Variants in OTUB1 observed in about 807,000 individuals in gnomAD.
OTUB1 encodes the protein ubiquitin thioesterase OTUB1.
OTUB1 carries 10 observed loss-of-function variants against 35.8 expected under a neutral mutation model. That is an observed-to-expected ratio of 0.28 (90% CI 0.17 to 0.47). OTUB1 has a LOEUF of 0.47. Ranked by LOEUF, OTUB1 falls within the 20% of genes least tolerant of loss-of-function variation. OTUB1 has a pLI of 0.99. For missense variants in OTUB1, 264 were observed against 351.6 expected, an observed-to-expected ratio of 0.75 and a Z score of 1.99; for synonymous variants, 158 against 143.8, an observed-to-expected ratio of 1.10 and a Z score of -0.71.
rs1245730408 is a variant in OTUB1 at position 63,997,480 on chromosome 11, T to C, written c.750T>C (p.Pro250=). The change falls in exon 7 of 7, where the codon CCT becomes CCC. Residue 250 remains proline, a synonymous_variant. Coordinates refer to ENST00000538426, the MANE Select transcript of OTUB1 (RefSeq NM_017670.3). ...GCACCACCAATCCGCACATCTTCCC[T>C]GAGGGCTCCGAGCCCAAGGTCTACC... ...EGGTTNPHIF[P]EGSEPKVYLL... is the part of the protein sequence containing the mutation. 6.2e-7 allele frequency: 1 copy of C among 1,614,122 alleles called. No individual in the cohort carries two copies. Among genetic ancestry groups the C allele is most frequent in the Non-Finnish European group, 8.5e-7 (1 of 1,180,022 alleles).
intron 1 of OTUB1, chr11:63,986,739 C>T: frequency 1.9e-6 from 1 of 524,482 alleles, no homozygotes; most frequent in Admixed American, 3.6e-5. Context: ...AGGCCCGCGG[C>T]CCTTCTCCAT....
chr11:63,986,602 G>C, intron 1 of OTUB1, 88 bp downstream of exon 1: 1 of 1,246,496 alleles, frequency 8.0e-7, no homozygotes, highest in East Asian at 2.7e-5. Context: ...AGGCAGGGCC[G>C]CTGGCTCTGG....
In OTUB1 at chr11:63,998,099, C is replaced by T. The variant is rs1942743291; in HGVS notation, c.*553C>T. Reference sequence around the variant, plus strand: ...TTGTGAGGCTGGACCCGGCTCAGGGCAGGTGGAGGAGCTGGGCCTCCCACA... The same window carrying T: ...TTGTGAGGCTGGACCCGGCTCAGGGTAGGTGGAGGAGCTGGGCCTCCCACA... On this transcript the variant is annotated 3_prime_UTR_variant, in exon 7 of 7. Coordinates refer to ENST00000538426, the MANE Select transcript of OTUB1 (RefSeq NM_017670.3). 1 of 357,278 alleles carries T rather than the reference C, an allele frequency of 2.8e-6. No individual in the cohort carries two copies. The highest frequency in any genetic ancestry group is 5.2e-6 in the Non-Finnish European group (1 of 192,044). The allele number at this position is 357,278 out of a possible 1,614,324, so 22.1% of individuals were successfully genotyped here.
At position 63,996,982 on chromosome 11, in the gene OTUB1, G is replaced by A. The variant is rs374058334; in HGVS notation, c.423+41G>A. 38 of 1,613,006 alleles carry A rather than the reference G, an allele frequency of 2.4e-5. No individual in the cohort carries two copies. The Middle Eastern group carries it at 9.9e-4, about 42-fold the overall frequency. ...TGTCTTGGGCTGGGCCATGGGGGAG[G>A]GGTTCACCTGGTGAGGACCACCCAT... On this transcript the variant is annotated intron_variant, in intron 5 of 6. Transcript: ENST00000538426.
chr11:63,997,382 A>C lies in OTUB1; in HGVS notation c.652A>C (p.Ile218Leu). 6.2e-7 allele frequency: 1 copy of C among 1,614,084 alleles called. No individual in the cohort carries two copies. Among genetic ancestry groups the C allele is most frequent in the Non-Finnish European group, 8.5e-7 (1 of 1,180,008 alleles). ...GCCCATGTGCAAGGAGAGCGACCAC[A>C]TCCACATCATTGCGCTGGCCCAGGC... ...VEPMCKESDHIHIIALAQALS... is the reference protein window; with the variant it reads ...VEPMCKESDHLHIIALAQALS... Residue 218 changes from isoleucine (I) to leucine (L), a missense_variant, in exon 7 of 7, where the codon ATC becomes CTC. Ile to Leu is a conservative substitution (Grantham distance 5, BLOSUM62 2). Around this residue, in one of 2 missense-constraint regions of OTUB1, gnomAD observed 214 missense variants for 317.1 expected, o/e 0.67. Transcript: ENST00000538426.
At chr11:63,988,164 A>G (rs1431696731) in intron 1 of OTUB1, among the ~76,000 whole-genome samples, 173 bp from the exon 2 acceptor site, 2 of 152,202 alleles carry the variant, frequency 1.3e-5, no homozygotes, top group Admixed American at 6.5e-5. Context: ...AGTTCCAGCT[A>G]TTGGGAAGGC....
At chr11:63,987,991 T>C (rs1472766338) in intron 1 of OTUB1, among the ~76,000 whole-genome samples, 1 of 152,160 alleles carries the variant, frequency 6.6e-6, no homozygotes, top group African/African-American at 2.4e-5. Flanking sequence ...TTTGCCAAGA[T>C]GACACACTTG....
intron 3 of OTUB1, chr11:63,989,151 C>T (rs1399840184): frequency 1.9e-5 from 3 of 158,868 alleles, no homozygotes; most frequent in Non-Finnish European, 2.7e-5. Flanking sequence ...GAAACCCCAT[C>T]TCTACTAAAA....
chr11:63,996,493 C>T lies in OTUB1; in HGVS notation c.220-37C>T, dbSNP rs1416224469. On this transcript the variant is annotated intron_variant, in intron 3 of 6. Coordinates refer to ENST00000538426, the MANE Select transcript of OTUB1 (RefSeq NM_017670.3). ...TTCCTTGGCCAGCCCCCGTTCTGGC[C>T]TGATGTTAACCTGTCGGGGTGGGGC... 11 of 1,609,578 alleles carry T rather than the reference C, an allele frequency of 6.8e-6. 1 individual carries two copies. In the South Asian group the frequency reaches 1.2e-4, roughly 18 times the overall value.
At chr11:63,996,485 G>C (rs320149) in intron 3 of OTUB1, 45 bp from the exon 4 acceptor site, 1 of 1,605,306 alleles carries the variant, frequency 6.2e-7, no homozygotes, top group East Asian at 2.2e-5. Context: ...GCCAGCCCCC[G>C]TTCTGGCCTG....
rs758613326 is a variant in OTUB1, at chr11:63,996,857, G to A, written c.339G>A (p.Arg113=). ...GCCCGCCTTTCCATCCCACCCCCAG[G>A]TTCAAGGCTGTGTCTGCCAAGAGCA... ...ALLDDSKELQ[R]FKAVSAKSKE... The change falls in exon 5 of 7, where the codon CGG becomes CGA. Residue 113 remains arginine, a splice_region_variant and synonymous_variant. Transcript: ENST00000538426. The A allele has an allele frequency of 6.8e-6, 11 of 1,614,210 alleles. No individual in the cohort carries two copies. Among genetic ancestry groups the A allele is most frequent in the Non-Finnish European group, 8.5e-6 (10 of 1,180,024 alleles).
intron 1 of OTUB1, chr11:63,986,718 G>A (rs1942623450): frequency 1.8e-6 from 1 of 549,796 alleles, no homozygotes; most frequent in Admixed American, 3.5e-5. Context: ...GAGCACGGGC[G>A]AGGCGGGCCA....
chr11:63,988,705 T>C lies in OTUB1; in HGVS notation c.172T>C (p.Tyr58His). 1 of 1,613,304 alleles carries C rather than the reference T, an allele frequency of 6.2e-7. No homozygotes were observed. Among genetic ancestry groups the C allele is most frequent in the Non-Finnish European group, 8.5e-7 (1 of 1,179,800 alleles). Residue 58 changes from tyrosine to histidine, a missense_variant, in exon 3 of 7, where the codon TAC (tyrosine) becomes CAC (histidine). Transcript: ENST00000538426. ...AGAGCGGCTGGAGCTCTCGGTCCTA[T>C]ACAAGGAGTATGCTGAAGATGACAA... ...VSERLELSVL[Y>H]KEYAEDDNIY...
At chr11:63,991,885 G>T (rs571477180) in intron 3 of OTUB1, among the ~76,000 whole-genome samples, 100 of 152,316 alleles carry the variant, frequency 6.6e-4, no homozygotes, top group African/African-American at 2.2e-3. Flanking sequence ...TGGGACATGT[G>T]GGGTATCAGA....
chr11:63,996,797 C>T (rs908368369), intron 4 of OTUB1, 60 bp from the exon 5 acceptor site: 12 of 1,611,050 alleles, frequency 7.4e-6, no homozygotes, highest in African/African-American at 2.7e-5. Context: ...CTGTCTCGGC[C>T]CTGGCGTCTG....
At chr11:63,996,222 A>G (rs1039573384) in intron 3 of OTUB1, among the ~76,000 whole-genome samples, 7 of 152,142 alleles carry the variant, frequency 4.6e-5, no homozygotes, top group African/African-American at 1.7e-4. Flanking sequence ...GACTGGAGGA[A>G]ACGCATTGCT....
At chr11:63,987,723 C>T (rs749835957) in intron 1 of OTUB1, among the ~76,000 whole-genome samples, 1 of 152,154 alleles carries the variant, frequency 6.6e-6, no homozygotes, top group Non-Finnish European at 1.5e-5. Flanking sequence ...TATCCACGAC[C>T]GCAAGAGGAT....
At chr11:63,991,164 C>T (rs1230238506) in intron 3 of OTUB1, among the ~76,000 whole-genome samples, 7 of 151,838 alleles carry the variant, frequency 4.6e-5, no homozygotes, top group African/African-American at 1.7e-4. Flanking sequence ...TCTCGGGCAA[C>T]ACCCTGAAGC....
intron 4 of OTUB1, 71 bp from the exon 5 acceptor site, chr11:63,996,786 G>A: frequency 1.9e-6 from 3 of 1,609,936 alleles, no homozygotes; most frequent in South Asian, 2.2e-5. Context: ...GCGGGGCAGT[G>A]CTGTCTCGGC....
Sources: allele counts gnomAD v4.1 joint callset (sites outside exome capture counted in the v4.1 genomes callset), GRCh38; gene constraint gnomAD v4.1.1; regional missense constraint gnomAD v4.1.1; transcripts MANE v1.5; gene names NCBI Gene and HGNC (gene_info 2026-07-23, HGNC 2026-07-21).